SPOCK1: variants seen among roughly 807,000 people sequenced by gnomAD.
SPOCK1 encodes the protein testican-1.
Under a neutral mutation model 55.3 loss-of-function variants are expected in SPOCK1, and 23 were observed. The ratio of observed to expected loss-of-function variants is 0.42; its 90% CI spans 0.30 to 0.59. SPOCK1 has a LOEUF of 0.59. Ranked by LOEUF, SPOCK1 falls within the 20% of genes least tolerant of loss-of-function variation. The pLI is 0.22. For synonymous variants in SPOCK1, 226 were observed against 221.0 expected (o/e 1.02, Z -0.20); for missense variants, 499 against 552.5 (o/e 0.90, Z 0.97).
At chr5:137,454,243 A>G (rs1561540108) in intron 2 of SPOCK1, among the ~76,000 whole-genome samples, 2 of 152,124 alleles carry the variant, frequency 1.3e-5, no homozygotes, top group Non-Finnish European at 2.9e-5. Flanking sequence ...TGAGCTCAAC[A>G]ACAGACAGAA....
At chr5:137,297,694 G>A (rs540202149) in intron 2 of SPOCK1, among the ~76,000 whole-genome samples, 20 of 152,208 alleles carry the variant, frequency 1.3e-4, no homozygotes, top group African/African-American at 4.6e-4. Flanking sequence ...AGAAAGTAAC[G>A]GAGAGCCTGG....
chr5:137,352,511 T>C (rs1021610972), intron 2 of SPOCK1, among the ~76,000 whole-genome samples: 3 of 152,230 alleles, frequency 2.0e-5, no homozygotes, highest in African/African-American at 4.8e-5. Context: ...CTTTTTTGCA[T>C]ATGACTGTCC....
chr5:137,259,433 G>T (rs1016992983), intron 3 of SPOCK1, among the ~76,000 whole-genome samples: 9 of 152,072 alleles, frequency 5.9e-5, no homozygotes, highest in African/African-American at 2.2e-4. Context: ...AGTGGGAGTT[G>T]AACAATGAGA....
At chr5:137,204,949 T>G (rs1013781673) in intron 3 of SPOCK1, among the ~76,000 whole-genome samples, 41 of 152,160 alleles carry the variant, frequency 2.7e-4, no homozygotes, top group South Asian at 8.3e-4. Flanking sequence ...CCACCACCCT[T>G]TGCTTGGCTG....
intron 2 of SPOCK1, among the ~76,000 whole-genome samples, chr5:137,449,088 G>T (rs1580933214): frequency 6.6e-6 from 1 of 152,354 alleles, no homozygotes; most frequent in African/African-American, 2.4e-5. Context: ...AGCCAGGAAG[G>T]AGATGCTTGG....
At chr5:137,247,807 C>G (rs1330366566) in intron 3 of SPOCK1, among the ~76,000 whole-genome samples, 1 of 152,152 alleles carries the variant, frequency 6.6e-6, no homozygotes, top group Non-Finnish European at 1.5e-5. Flanking sequence ...GGCCTGGCTT[C>G]ATAACAACCC....
At chr5:137,460,032 G>A (rs1041669214) in intron 2 of SPOCK1, among the ~76,000 whole-genome samples, 1 of 152,218 alleles carries the variant, frequency 6.6e-6, no homozygotes, top group South Asian at 2.1e-4. Flanking sequence ...GGAGAAGTAT[G>A]AGCGAGAAGG....
At chr5:137,464,407 C>T (rs767604190) in intron 2 of SPOCK1, among the ~76,000 whole-genome samples, 9 of 151,862 alleles carry the variant, frequency 5.9e-5, no homozygotes, top group Non-Finnish European at 1.3e-4. Context: ...ATTTCATGTA[C>T]CCCACAAACA....
intron 2 of SPOCK1, among the ~76,000 whole-genome samples, chr5:137,272,212 G>A (rs554216234): frequency 1.3e-5 from 2 of 152,256 alleles, no homozygotes; most frequent in South Asian, 2.1e-4. Flanking sequence ...TAGCCAAACT[G>A]CTCTCAAGAG....
At chr5:137,112,615 C>T in intron 4 of SPOCK1, 54 bp from the exon 5 acceptor site, 1 of 1,575,736 alleles carries the variant, frequency 6.3e-7, no homozygotes, top group African/African-American at 1.4e-5. Flanking sequence ...CCCTATGAGT[C>T]TTTCCTCTAA....
intron 2 of SPOCK1, among the ~76,000 whole-genome samples, chr5:137,354,084 A>G (rs1750739194): frequency 6.6e-6 from 1 of 151,966 alleles, no homozygotes; most frequent in Non-Finnish European, 1.5e-5. Flanking sequence ...CTGAAATCAC[A>G]TCTCCCTGAC....
intron 6 of SPOCK1, among the ~76,000 whole-genome samples, chr5:137,065,572 T>C (rs1271370404): frequency 6.6e-6 from 1 of 152,182 alleles, no homozygotes; most frequent in Non-Finnish European, 1.5e-5. Context: ...TGACCCAAGA[T>C]CTGGTGGAGC....
intron 3 of SPOCK1, among the ~76,000 whole-genome samples, chr5:137,206,624 G>C (rs1281257516): frequency 6.6e-6 from 1 of 152,238 alleles, no homozygotes; most frequent in Non-Finnish European, 1.5e-5. Context: ...GGGCTCCTGT[G>C]AGGTATCAGT....
At chr5:137,058,673 T>C (rs1388527511) in intron 6 of SPOCK1, among the ~76,000 whole-genome samples, 1 of 151,478 alleles carries the variant, frequency 6.6e-6, no homozygotes, top group Non-Finnish European at 1.5e-5. Flanking sequence ...CAGAGAAAAA[T>C]AAATAGGAGA....
rs140315404 is a variant in SPOCK1 at position 137,280,017 on chromosome 5, A to G, written c.187-12962T>C. ...GCTCATAGGGCCATGCCATGTGCCC[A>G]TGAAACCAGGACCCTGGAGGTCCCC... On this transcript the variant is annotated intron_variant, in intron 2 of 10. Transcript: ENST00000394945. Among the ~76,000 whole-genome samples the G allele has an allele frequency of 7.8e-4, 119 of 152,286 alleles. 1 individual carries two copies. Among genetic ancestry groups the G allele is most frequent in the African/African-American group, 2.7e-3 (112 of 41,568 alleles).
At chr5:137,285,784 T>G (rs1415524791) in intron 2 of SPOCK1, among the ~76,000 whole-genome samples, 1 of 152,152 alleles carries the variant, frequency 6.6e-6, no homozygotes, top group East Asian at 1.9e-4. Flanking sequence ...GGAAGAGCCC[T>G]AGGGAGATAT....
At chr5:137,006,197 T>C (rs1181664160) in intron 6 of SPOCK1, among the ~76,000 whole-genome samples, 1 of 152,196 alleles carries the variant, frequency 6.6e-6, no homozygotes, top group Non-Finnish European at 1.5e-5. Flanking sequence ...GGCTCTTTTT[T>C]GGTACCATAT....
At chr5:137,044,876 G>A (rs1050694211) in intron 6 of SPOCK1, among the ~76,000 whole-genome samples, 28 of 145,592 alleles carry the variant, frequency 1.9e-4, no homozygotes, top group African/African-American at 6.6e-4. Flanking sequence ...TCCCGCCTAT[G>A]AGTGAGAATA....
At chr5:137,152,636 A>C (rs542714924) in intron 3 of SPOCK1, among the ~76,000 whole-genome samples, 1 of 152,308 alleles carries the variant, frequency 6.6e-6, no homozygotes, top group Admixed American at 6.5e-5. Flanking sequence ...GGTTGTTGAC[A>C]TTCTAGTTTT....
Sources: gnomAD v4.1 joint callset for allele counts (sites outside exome capture counted in the v4.1 genomes callset) on GRCh38, gnomAD v4.1.1 for gene constraint, MANE v1.5 for transcripts, NCBI Gene and HGNC (gene_info 2026-07-23, HGNC 2026-07-21) for gene names.